ORC4: variants seen among roughly 807,000 people sequenced by gnomAD.
ORC4 encodes origin recognition complex subunit 4.
Under a neutral mutation model 63.9 loss-of-function variants are expected in ORC4, and 55 were observed. The observed-to-expected ratio is 0.86, with a 90% CI of 0.69 to 1.08. The LOEUF is 1.08. Ranked by LOEUF, ORC4 falls within the 50% of genes least tolerant of loss-of-function variation. The pLI, the probability that ORC4 is intolerant of heterozygous loss-of-function variation, is 0.00. For missense variants in ORC4, 511 were observed against 504.4 expected (o/e 1.01, Z -0.13); for synonymous variants, 150 against 168.5 (o/e 0.89, Z 0.85).
intron 9 of ORC4, among the ~76,000 whole-genome samples, chr2:147,946,406 G>C (rs765684171): frequency 7.2e-5 from 11 of 151,998 alleles, no homozygotes; most frequent in South Asian, 4.1e-4. Flanking sequence ...ATCAGTTCAG[G>C]AGTTGTAGAA....
intron 1 of ORC4, among the ~76,000 whole-genome samples, chr2:147,990,877 T>A (rs1691540439): frequency 6.6e-6 from 1 of 152,128 alleles, no homozygotes; most frequent in African/African-American, 2.4e-5. Context: ...ACTGATTAAA[T>A]AATTGAAAAG....
chr2:147,975,316 G>A (rs991583295), intron 2 of ORC4, among the ~76,000 whole-genome samples: 1 of 151,896 alleles, frequency 6.6e-6, no homozygotes, highest in African/African-American at 2.4e-5. Flanking sequence ...ATGAGGAAAC[G>A]TAACGGAACT....
At chr2:147,938,745 A>G (rs1440318481) in intron 11 of ORC4, 5 of 331,286 alleles carry the variant, frequency 1.5e-5, no homozygotes, top group Non-Finnish European at 2.8e-5. Flanking sequence ...GGATTTATCT[A>G]GAGACTTCCT....
intron 1 of ORC4, among the ~76,000 whole-genome samples, chr2:148,005,460 G>A (rs1692567080): frequency 6.6e-6 from 1 of 151,700 alleles, no homozygotes; most frequent in African/African-American, 2.4e-5. Flanking sequence ...GTAGATGACA[G>A]GTTAATGACA....
At chr2:147,960,489 C>T (rs895971147) in intron 4 of ORC4, 4 of 390,088 alleles carry the variant, frequency 1.0e-5, no homozygotes, top group Non-Finnish European at 7.0e-6. Context: ...ATTAATATCA[C>T]ACTGACCAAC....
chr2:147,940,832 A>AT (rs1008811462), intron 10 of ORC4, among the ~76,000 whole-genome samples: 16 of 151,878 alleles, frequency 1.1e-4, no homozygotes, highest in African/African-American at 3.1e-4. Flanking sequence ...AAAGGCATAA[A>AT]TTTTTTTTAA....
chr2:147,938,492 G>A, intron 11 of ORC4, 99 bp from the exon 12 acceptor site: 1 of 759,794 alleles, frequency 1.3e-6, no homozygotes, highest in Non-Finnish European at 2.3e-6. Context: ...CTATGGTTCT[G>A]AGGGGTGAAG....
chr2:147,977,654 C>T (rs1447602724), intron 1 of ORC4, among the ~76,000 whole-genome samples: 2 of 152,188 alleles, frequency 1.3e-5, no homozygotes, highest in African/African-American at 4.8e-5. Flanking sequence ...CCTGTCCTCC[C>T]GATAGGACCT....
intron 1 of ORC4, among the ~76,000 whole-genome samples, chr2:147,993,973 C>CA (rs1691783987): frequency 6.6e-6 from 1 of 152,102 alleles, no homozygotes; most frequent in South Asian, 2.1e-4. Flanking sequence ...AAAATAACAA[C>CA]AAAATCACTG....
intron 7 of ORC4, among the ~76,000 whole-genome samples, chr2:147,955,087 G>C (rs543645094): frequency 1.3e-5 from 2 of 151,980 alleles, no homozygotes; most frequent in East Asian, 3.9e-4. Context: ...TTTTATTGTT[G>C]TAAAAAATCA....
intron 1 of ORC4, among the ~76,000 whole-genome samples, chr2:147,984,444 C>T (rs1450444145): frequency 6.6e-6 from 1 of 151,958 alleles, no homozygotes; most frequent in Non-Finnish European, 1.5e-5. Flanking sequence ...ATGTTACCAG[C>T]AAGGCTTCCA....
chr2:147,973,381 A>G, intron 3 of ORC4, 67 bp downstream of exon 3: 1 of 934,718 alleles, frequency 1.1e-6, no homozygotes, highest in Non-Finnish European at 1.8e-6. Context: ...TTGTACAATA[A>G]TTTTTGCAAA....
intron 4 of ORC4, among the ~76,000 whole-genome samples, chr2:147,966,257 C>CA (rs774529983): frequency 2.6e-4 from 40 of 151,812 alleles, no homozygotes; most frequent in Non-Finnish European, 4.4e-4. Context: ...ATGCCTACAT[C>CA]AAAAAACTAG....
upstream of ORC4, chr2:148,021,475 C>CTGT: frequency 1.7e-6 from 1 of 578,958 alleles, no homozygotes; most frequent in Non-Finnish European, 3.3e-6. Flanking sequence ...GCTGCTGCTG[C>CTGT]TGCTGTTGCT....
At chr2:147,975,392 G>A (rs1435212023) in intron 2 of ORC4, among the ~76,000 whole-genome samples, 1 of 151,854 alleles carries the variant, frequency 6.6e-6, no homozygotes, top group African/African-American at 2.4e-5. Flanking sequence ...AACAGTGACA[G>A]ACTGAATGCT....
chr2:148,001,016 C>T (rs1037627709), intron 1 of ORC4, among the ~76,000 whole-genome samples: 1 of 151,908 alleles, frequency 6.6e-6, no homozygotes, highest in African/African-American at 2.4e-5. Context: ...AAAGAATAAG[C>T]CAAAAAAAGT....
In ORC4 at chr2:147,933,496, C is replaced by T. The variant is rs892721961; in HGVS notation, c.*2014G>A. On this transcript the variant is annotated 3_prime_UTR_variant, in exon 14 of 14. Coordinates refer to ENST00000392857, the MANE Select transcript of ORC4 (RefSeq NM_181741.4). ...TGCTTTATAACGGTTTCATGTTTAC[C>T]TCAATTGGTACTTAGTCTTAAAATC... 2.6e-5 allele frequency: 4 copies of T among 151,718 alleles called. No homozygotes were observed. Among genetic ancestry groups the T allele is most frequent in the African/African-American group, 9.7e-5 (4 of 41,270 alleles). 9.4% of individuals were successfully genotyped at this position (151,718 alleles called of 1,614,324 possible). A position where few individuals can be genotyped will look rare whatever the true frequency, so the allele number is the denominator to read the frequency against.
At chr2:147,938,484 A>G in intron 11 of ORC4, 91 bp from the exon 12 acceptor site, 1 of 818,366 alleles carries the variant, frequency 1.2e-6, no homozygotes, top group South Asian at 1.4e-5. Context: ...TGAAAGATCT[A>G]TGGTTCTGAG....
chr2:147,985,185 T>C (rs1018541112), intron 1 of ORC4, among the ~76,000 whole-genome samples: 5 of 152,026 alleles, frequency 3.3e-5, no homozygotes, highest in African/African-American at 1.2e-4. Context: ...TTCAGTAAAC[T>C]CTCTGTTTTT....
Sources: allele counts gnomAD v4.1 joint callset (sites outside exome capture counted in the v4.1 genomes callset), GRCh38; gene constraint gnomAD v4.1.1; transcripts MANE v1.5; gene names NCBI Gene and HGNC (gene_info 2026-07-23, HGNC 2026-07-21).